The following SLC35F3 variants were observed in gnomAD, a reference collection of about 807,000 sequenced individuals.
The protein encoded by SLC35F3 is solute carrier family 35 member F3.
A neutral mutation model predicts 49.9 loss-of-function variants in SLC35F3; 25 were observed. The observed-to-expected ratio is 0.50, with a 90% CI of 0.37 to 0.70. SLC35F3 has a LOEUF of 0.70. SLC35F3 is among the 30% of genes least tolerant of loss of function. The probability of loss-of-function intolerance (pLI) is 0.00; values close to 1 mark genes in which losing one functional copy is unlikely to be tolerated. For missense variants in SLC35F3, 525 were observed against 639.8 expected, an observed-to-expected ratio of 0.82 and a Z score of 1.94; for synonymous variants, 275 against 265.4, an observed-to-expected ratio of 1.04 and a Z score of -0.35.
At chr1:234,021,348 A>C (rs539115158) in intron 2 of SLC35F3, among the ~76,000 whole-genome samples, 7 of 152,202 alleles carry the variant, frequency 4.6e-5, no homozygotes, top group African/African-American at 1.4e-4. Context: ...CAGCATCCTC[A>C]TGCTCCCTCA....
At chr1:234,053,835 T>C (rs1293906647) in intron 2 of SLC35F3, among the ~76,000 whole-genome samples, 1 of 152,218 alleles carries the variant, frequency 6.6e-6, no homozygotes, top group African/African-American at 2.4e-5. Context: ...AAGGCAGGCC[T>C]GGTGGTGACA....
chr1:234,009,382 T>A (rs530892739), intron 2 of SLC35F3, among the ~76,000 whole-genome samples: 1 of 152,332 alleles, frequency 6.6e-6, no homozygotes, highest in Non-Finnish European at 1.5e-5. Context: ...TCCTCATAAT[T>A]CCATTAACTT....
chr1:234,318,246 G>A (rs374491204), intron 5 of SLC35F3, among the ~76,000 whole-genome samples: 2 of 152,324 alleles, frequency 1.3e-5, no homozygotes, highest in Admixed American at 6.5e-5. Flanking sequence ...GAAAATAAAA[G>A]TTTGGTGCAT....
intron 2 of SLC35F3, among the ~76,000 whole-genome samples, chr1:234,148,482 C>A (rs535222932): frequency 1.8e-4 from 28 of 152,234 alleles, no homozygotes; most frequent in African/African-American, 6.0e-4. Context: ...AAACTAGAGA[C>A]AGAAAATCTA....
chr1:233,960,289 G>A (rs547369733), intron 2 of SLC35F3, among the ~76,000 whole-genome samples: 3 of 152,160 alleles, frequency 2.0e-5, no homozygotes, highest in African/African-American at 7.2e-5. Context: ...CCCCTCACCT[G>A]TCACTTTGCC....
intron 2 of SLC35F3, among the ~76,000 whole-genome samples, chr1:233,955,655 G>A (rs1287857876): frequency 2.0e-5 from 3 of 151,982 alleles, no homozygotes; most frequent in Non-Finnish European, 4.4e-5. Context: ...CACTACCACA[G>A]GACACTTGCA....
At chr1:234,037,207 A>G (rs1456879162) in intron 2 of SLC35F3, among the ~76,000 whole-genome samples, 2 of 152,168 alleles carry the variant, frequency 1.3e-5, no homozygotes, top group Non-Finnish European at 2.9e-5. Context: ...GAAGCTTCCA[A>G]TTGTGGTGGA....
intron 2 of SLC35F3, among the ~76,000 whole-genome samples, chr1:233,931,747 G>A (rs1662246134): frequency 6.6e-6 from 1 of 152,196 alleles, no homozygotes; most frequent in South Asian, 2.1e-4. Flanking sequence ...ATTCCTCAAG[G>A]ATTTAGAACT....
intron 2 of SLC35F3, among the ~76,000 whole-genome samples, chr1:234,173,805 G>A (rs1666435999): frequency 1.3e-5 from 2 of 152,226 alleles, no homozygotes; most frequent in Admixed American, 1.3e-4. Context: ...CAGTGGGAGA[G>A]AAGGGAAGCA....
At chr1:233,915,860 TG>T (rs1484950518) in intron 2 of SLC35F3, among the ~76,000 whole-genome samples, 2 of 152,138 alleles carry the variant, frequency 1.3e-5, no homozygotes, top group African/African-American at 4.8e-5. Context: ...GAGAACAACA[TG>T]GGAAAGACCT....
chr1:234,026,352 A>T (rs1157977703), intron 2 of SLC35F3, among the ~76,000 whole-genome samples: 2 of 152,230 alleles, frequency 1.3e-5, no homozygotes, highest in Admixed American at 6.5e-5. Context: ...TTGATAAATT[A>T]CTGGTATGTT....
At chr1:233,945,598 T>C (rs190369020) in intron 2 of SLC35F3, among the ~76,000 whole-genome samples, 16 of 152,332 alleles carry the variant, frequency 1.1e-4, no homozygotes, top group Admixed American at 2.6e-4. Flanking sequence ...TTTGGCTGTG[T>C]CCTCACCCAG....
chr1:234,191,554 A>G (rs1666729249), intron 2 of SLC35F3, among the ~76,000 whole-genome samples: 1 of 151,002 alleles, frequency 6.6e-6, no homozygotes. Flanking sequence ...AAACAAGAAC[A>G]AACCACCTCC....
intron 3 of SLC35F3, among the ~76,000 whole-genome samples, chr1:234,262,818 G>A (rs1048403524): frequency 3.9e-5 from 6 of 152,160 alleles, no homozygotes; most frequent in Non-Finnish European, 1.5e-5. Context: ...CAGCCCCAAG[G>A]TGCGGGTTAT....
At chr1:234,148,461 C>G (rs1156817492) in intron 2 of SLC35F3, among the ~76,000 whole-genome samples, 2 of 152,142 alleles carry the variant, frequency 1.3e-5, no homozygotes, top group African/African-American at 4.8e-5. Flanking sequence ...CAACAGTTTC[C>G]TCTTGATGTT....
intron 2 of SLC35F3, among the ~76,000 whole-genome samples, chr1:234,055,028 G>A (rs1168763319): frequency 6.6e-6 from 1 of 152,098 alleles, no homozygotes; most frequent in Non-Finnish European, 1.5e-5. Flanking sequence ...AGGGGCACTC[G>A]GCCGTATGAG....
chr1:234,021,818 T>C (rs1663900680), intron 2 of SLC35F3, among the ~76,000 whole-genome samples: 1 of 152,202 alleles, frequency 6.6e-6, no homozygotes, highest in Admixed American at 6.5e-5. Flanking sequence ...ACCTATAATG[T>C]TCATTTTTTT....
At chr1:234,085,663 A>G (rs1664950196) in intron 2 of SLC35F3, among the ~76,000 whole-genome samples, 1 of 152,212 alleles carries the variant, frequency 6.6e-6, no homozygotes, top group Non-Finnish European at 1.5e-5. Context: ...AGCCCTATCA[A>G]TGACATCACC....
At chr1:234,239,199 G>A (rs539238928) in intron 3 of SLC35F3, among the ~76,000 whole-genome samples, 47 of 152,314 alleles carry the variant, frequency 3.1e-4, no homozygotes, top group Non-Finnish European at 2.9e-5. Context: ...AAGCAATGAA[G>A]GATGGTCTCC....
Sources: allele counts gnomAD v4.1 joint callset (sites outside exome capture counted in the v4.1 genomes callset), GRCh38; gene constraint gnomAD v4.1.1; transcripts MANE v1.5; gene names NCBI Gene and HGNC (gene_info 2026-07-23, HGNC 2026-07-21).